The following CDH4 variants were observed in gnomAD, a reference collection of about 807,000 sequenced individuals.
CDH4 encodes the protein cadherin 4, also known as cadherin-4.
Under a neutral mutation model 86.0 loss-of-function variants are expected in CDH4, and 33 were observed. That is an observed-to-expected ratio of 0.38 (90% CI 0.29 to 0.51). CDH4 has a LOEUF of 0.51. CDH4 is among the 20% of genes least tolerant of loss of function. The pLI is 0.86. For synonymous variants in CDH4, 555 were observed against 549.4 expected (o/e 1.01, Z -0.14); for missense variants, 1,114 against 1,307.4 (o/e 0.85, Z 2.28).
chr20:61,735,072 G>A (rs1183516976), intron 2 of CDH4, among the ~76,000 whole-genome samples: 1 of 152,158 alleles, frequency 6.6e-6, no homozygotes, highest in East Asian at 1.9e-4. Flanking sequence ...GGGCCAGAAA[G>A]AGAGAGGGGT....
intron 6 of CDH4, among the ~76,000 whole-genome samples, chr20:61,854,820 G>A (rs536996207): frequency 4.0e-4 from 56 of 140,020 alleles, no homozygotes; most frequent in Non-Finnish European, 6.0e-4. Context: ...GGTGAATTGC[G>A]CCCTTGGTCC....
At chr20:61,857,180 G>C (rs938371394) in intron 6 of CDH4, among the ~76,000 whole-genome samples, 70 of 152,356 alleles carry the variant, frequency 4.6e-4, no homozygotes, top group African/African-American at 1.7e-3. Context: ...ACACAACCGG[G>C]GGACACCCTC....
chr20:61,904,159 G>C (rs1340558710), intron 8 of CDH4, among the ~76,000 whole-genome samples: 1 of 152,190 alleles, frequency 6.6e-6, no homozygotes, highest in Non-Finnish European at 1.5e-5. Context: ...GAGCTGGCGG[G>C]AGCCGTCATC....
At position 61,501,692 on chromosome 20, in the gene CDH4, G is replaced by T. The variant is rs985355821; in HGVS notation, c.170-241871G>T. 6.6e-6 allele frequency among the ~76,000 whole-genome samples: 1 copy of T among 152,058 alleles called. No individual in the cohort carries two copies. Among genetic ancestry groups the T allele is most frequent in the African/African-American group, 2.4e-5 (1 of 41,404 alleles). On this transcript the variant is annotated intron_variant, in intron 2 of 15. Transcript: ENST00000614565. The surrounding 1 kb of genome is among the most constrained non-coding windows in gnomAD (Gnocchi z 4.2). The stretch of plus-strand genomic sequence containing the variant: ...TGCCGTGCCCTGTGAACTAGAAGAG[G>T]GTACTGGAATACTAGCTATCTTCAC...
At chr20:61,649,925 T>A (rs868349236) in intron 2 of CDH4, among the ~76,000 whole-genome samples, 32 of 152,150 alleles carry the variant, frequency 2.1e-4, no homozygotes, top group African/African-American at 6.5e-4. Context: ...CTCCAGGCAT[T>A]GTGGCCTGGG....
At chr20:61,519,491 C>T (rs2085852039) in intron 2 of CDH4, among the ~76,000 whole-genome samples, 1 of 152,232 alleles carries the variant, frequency 6.6e-6, no homozygotes, top group Non-Finnish European at 1.5e-5. Flanking sequence ...GTCCTTCCAT[C>T]ATGCTTAACT....
chr20:61,480,577 G>A lies in CDH4; in HGVS notation c.169+225640G>A, dbSNP rs2085563275. Among the ~76,000 whole-genome samples, 1 of 152,242 alleles carries A rather than the reference G, an allele frequency of 6.6e-6. No individual in the cohort carries two copies. ...GAATCCCCGTCCTGACCGGGGCCTGGTGGCTGGCTGCCTGCTAGGCTGACA... is the reference window on the plus strand; with the variant it reads ...GAATCCCCGTCCTGACCGGGGCCTGATGGCTGGCTGCCTGCTAGGCTGACA... On this transcript the variant is annotated intron_variant, in intron 2 of 15. Transcript: ENST00000614565. The surrounding 1 kb of genome is among the most constrained non-coding windows in gnomAD (Gnocchi z 5.2).
chr20:61,270,265 G>A (rs747273616), intron 2 of CDH4, among the ~76,000 whole-genome samples: 1 of 152,240 alleles, frequency 6.6e-6, no homozygotes, highest in Non-Finnish European at 1.5e-5. Context: ...TGCTTGGGCA[G>A]CGATGAACTG....
At chr20:61,917,805 C>A (rs1311673150) in intron 9 of CDH4, among the ~76,000 whole-genome samples, 1 of 152,262 alleles carries the variant, frequency 6.6e-6, no homozygotes, top group Non-Finnish European at 1.5e-5. Context: ...AGCAAATTAC[C>A]TATTGATTTC....
At chr20:61,448,528 T>C (rs1568848979) in intron 2 of CDH4, among the ~76,000 whole-genome samples, 1 of 152,144 alleles carries the variant, frequency 6.6e-6, no homozygotes, top group Admixed American at 6.5e-5. Context: ...TTTTGTAAAA[T>C]ACACACATTG....
At chr20:61,620,318 A>AGGTGGATGGATG (rs1555815028) in intron 2 of CDH4, among the ~76,000 whole-genome samples, 1 of 146,770 alleles carries the variant, frequency 6.8e-6, no homozygotes, top group African/African-American at 2.5e-5. Flanking sequence ...ATAGGTAGGT[A>AGGTGGATGGATG]GATGGATGGA....
intron 2 of CDH4, among the ~76,000 whole-genome samples, chr20:61,537,734 T>C (rs1318850809): frequency 6.6e-6 from 1 of 152,132 alleles, no homozygotes; most frequent in Admixed American, 6.5e-5. Context: ...GGCAGATGCC[T>C]TGTTGGGAGT....
Position 61,764,217 on chromosome 20 carries a change from G to A in CDH4, c.397-8786G>A, listed in dbSNP as rs191906652. ...GGCCCTGGGGAGAGCACAGGCCGCC[G>A]CAGGGTGCAGGTGTGGACTTGGGGG... On this transcript the variant is annotated intron_variant, in intron 3 of 15. Transcript: ENST00000614565. Among the ~76,000 whole-genome samples, 140 of 152,330 alleles carry A rather than the reference G, an allele frequency of 9.2e-4. 1 individual carries two copies. Among genetic ancestry groups the A allele is most frequent in the African/African-American group, 3.2e-3 (131 of 41,584 alleles).
intron 2 of CDH4, among the ~76,000 whole-genome samples, chr20:61,656,362 C>A (rs111349710): frequency 2.8e-5 from 4 of 143,270 alleles, no homozygotes; most frequent in Admixed American, 6.9e-5. Flanking sequence ...CTGAAGTGGG[C>A]AGGCGCGTGC....
In CDH4 at chr20:61,917,556, CAG is replaced by C. The variant is rs1222103084; in HGVS notation, c.1375-5894_1375-5893del. 5.9e-5 allele frequency among the ~76,000 whole-genome samples: 9 copies of C among 152,360 alleles called. No homozygotes were observed. In the South Asian group the frequency reaches 6.2e-4, roughly 11 times the overall value. On this transcript the variant is annotated intron_variant, in intron 9 of 15. Coordinates refer to ENST00000614565, the MANE Select transcript of CDH4 (RefSeq NM_001794.5). ...CAGTTCAGGCAACTCCTCCCCAAGA[CAG>C]GGGCGCAGAGTGAGACTTTGAATGG...
intron 7 of CDH4, among the ~76,000 whole-genome samples, chr20:61,886,163 T>C (rs1390426097): frequency 6.6e-6 from 1 of 152,152 alleles, no homozygotes; most frequent in Non-Finnish European, 1.5e-5. Context: ...AGACCATCCC[T>C]AGATGGTGGC....
chr20:61,316,104 GTCC>G (rs2084474900), intron 2 of CDH4, among the ~76,000 whole-genome samples: 1 of 152,140 alleles, frequency 6.6e-6, no homozygotes, highest in African/African-American at 2.4e-5. Flanking sequence ...CCTAATTCAC[GTCC>G]TCCTCTTCCT....
chr20:61,867,136 C>A (rs144307913), intron 6 of CDH4, among the ~76,000 whole-genome samples: 1 of 152,248 alleles, frequency 6.6e-6, no homozygotes, highest in Non-Finnish European at 1.5e-5. Flanking sequence ...TCGCTCTGGG[C>A]GCATGCATGT....
chr20:61,825,425 A>G (rs1981262096), intron 4 of CDH4, among the ~76,000 whole-genome samples: 1 of 152,038 alleles, frequency 6.6e-6, no homozygotes, highest in Admixed American at 6.6e-5. Context: ...AACTATAATA[A>G]CACCAAAATA....
Sources: gnomAD v4.1 joint callset for allele counts (sites outside exome capture counted in the v4.1 genomes callset) on GRCh38, gnomAD v4.1.1 for gene constraint, Gnocchi (gnomAD v3.1) non-coding constraint, MANE v1.5 for transcripts, NCBI Gene and HGNC (gene_info 2026-07-23, HGNC 2026-07-21) for gene names.